The following PTPN1 variants were observed in gnomAD, a reference collection of about 807,000 sequenced individuals.
PTPN1 encodes the protein tyrosine-protein phosphatase non-receptor type 1.
A neutral mutation model predicts 59.9 loss-of-function variants in PTPN1; 12 were observed. That is an observed-to-expected ratio of 0.20 (90% confidence interval 0.13 to 0.32). The LOEUF is 0.32. Ranked by LOEUF, PTPN1 falls within the 10% of genes least tolerant of loss-of-function variation. PTPN1 has a pLI of 1.00. For synonymous variants in PTPN1, 178 were observed against 203.6 expected (o/e 0.87, Z 1.07); for missense variants, 356 against 549.2 (o/e 0.65, Z 3.52).
chr20:50,578,640 C>T lies in PTPN1; in HGVS notation c.702+11C>T, dbSNP rs754479483. On this transcript the variant is annotated intron_variant, in intron 6 of 9. Transcript: ENST00000371621. ...ACCTGCCTCTTGCTGGTAAGGAGGCCCTCGCGGGTGCCCTGGGGAGCTCCT... is the reference window on the plus strand; with the variant it reads ...ACCTGCCTCTTGCTGGTAAGGAGGCTCTCGCGGGTGCCCTGGGGAGCTCCT... 5 of 1,611,098 alleles carry T rather than the reference C, an allele frequency of 3.1e-6. No individual in the cohort carries two copies. Among genetic ancestry groups the T allele is most frequent in the Non-Finnish European group, 4.2e-6 (5 of 1,177,808 alleles).
rs185959763 is a variant in PTPN1 at position 50,550,634 on chromosome 20, A to G, written c.64-10729A>G. Reference sequence around the variant, plus strand: ...TCTGTTCTATAAAGAATGTTGGTATATTGTTAAGGACACTTCAAGCTTTGG... The same window carrying G: ...TCTGTTCTATAAAGAATGTTGGTATGTTGTTAAGGACACTTCAAGCTTTGG... On this transcript the variant is annotated intron_variant, in intron 1 of 9. Coordinates refer to ENST00000371621, the MANE Select transcript of PTPN1 (RefSeq NM_002827.4). 5.0e-3 allele frequency among the ~76,000 whole-genome samples: 757 copies of G among 152,340 alleles called. 8 individuals are homozygous for G. The highest frequency in any genetic ancestry group is 0.017 in the African/African-American group (720 of 41,564).
chr20:50,566,677 A>G (rs2082780588), intron 3 of PTPN1, among the ~76,000 whole-genome samples: 4 of 152,160 alleles, frequency 2.6e-5, no homozygotes, highest in Non-Finnish European at 5.9e-5. Context: ...AAAAGTCAGA[A>G]GTACAGAAGA....
chr20:50,521,931 C>T lies in PTPN1; in HGVS notation c.63+11341C>T, dbSNP rs113286592. Among the ~76,000 whole-genome samples, 603 of 152,280 alleles carry T rather than the reference C, an allele frequency of 4.0e-3. 3 individuals are homozygous for T. Among genetic ancestry groups the T allele is most frequent in the African/African-American group, 0.014 (563 of 41,548 alleles). ...CCACAGTGGGTCACACTGTCCTTGT[C>T]GGTGTACACTACCTAGCACTTGAGT... On this transcript the variant is annotated intron_variant, in intron 1 of 9. Coordinates refer to ENST00000371621, the MANE Select transcript of PTPN1 (RefSeq NM_002827.4).
In PTPN1 at chr20:50,579,796, C is replaced by T. The variant is rs1568798391; in HGVS notation, c.958C>T (p.His320Tyr). Reference sequence around the variant, plus strand: ...GCCACCCAAACGAATCCTGGAGCCACACAATGGGAAATGCAGGGAGTTCTT... The same window carrying T: ...GCCACCCAAACGAATCCTGGAGCCATACAATGGGAAATGCAGGGAGTTCTT... Reference protein sequence around the residue: ...PRPPKRILEPHNGKCREFFPN... With the variant: ...PRPPKRILEPYNGKCREFFPN... Residue 320 changes from histidine (H) to tyrosine (Y), a missense_variant, in exon 8 of 10, where the codon CAC becomes TAC. Physicochemically the swap from His to Tyr is moderately conservative, Grantham distance 83. This residue lies in a region of PTPN1 where 100 missense variants were observed against 107.7 expected (regional missense o/e 0.93). Coordinates refer to ENST00000371621, the MANE Select transcript of PTPN1 (RefSeq NM_002827.4). 1.9e-6 allele frequency: 3 copies of T among 1,614,082 alleles called. No homozygotes were observed. Among genetic ancestry groups the T allele is most frequent in the Non-Finnish European group, 8.5e-7 (1 of 1,180,008 alleles).
Position 50,583,023 on chromosome 20 carries a change from A to C in PTPN1, c.*308A>C, listed in dbSNP as rs1601418331. ...CTACACCCGTCTTGGGGCTCGCCCCACCCAGGGCTCCCTCCTGGAGCATCC... is the reference window on the plus strand; with the variant it reads ...CTACACCCGTCTTGGGGCTCGCCCCCCCCAGGGCTCCCTCCTGGAGCATCC... On this transcript the variant is annotated 3_prime_UTR_variant, in exon 10 of 10. Coordinates refer to ENST00000371621, the MANE Select transcript of PTPN1 (RefSeq NM_002827.4). The C allele has an allele frequency of 2.3e-6, 1 of 425,756 alleles. No homozygotes were observed. The highest frequency in any genetic ancestry group is 3.6e-5 in the Admixed American group (1 of 27,694). 26.4% of individuals were successfully genotyped at this position (425,756 alleles called of 1,614,324 possible).
chr20:50,548,870 A>T (rs953201101), intron 1 of PTPN1, among the ~76,000 whole-genome samples: 1 of 151,880 alleles, frequency 6.6e-6, no homozygotes, highest in African/African-American at 2.4e-5. Context: ...GTTGCGTGCC[A>T]CCACACCTAG....
intron 3 of PTPN1, among the ~76,000 whole-genome samples, chr20:50,566,087 A>G (rs898910710): frequency 6.6e-6 from 1 of 152,066 alleles, no homozygotes; most frequent in Non-Finnish European, 1.5e-5. Flanking sequence ...GCCATTGAGT[A>G]AGTTCTTGGT....
At chr20:50,573,567 C>G (rs951785092) in intron 4 of PTPN1, 3 of 152,234 alleles carry the variant, frequency 2.0e-5, no homozygotes, top group Admixed American at 1.3e-4. Context: ...TTGAGTGGGT[C>G]AGTGCACGTG....
chr20:50,526,119 T>C (rs1435064315), intron 1 of PTPN1, among the ~76,000 whole-genome samples: 1 of 152,198 alleles, frequency 6.6e-6, no homozygotes, highest in East Asian at 1.9e-4. Flanking sequence ...AGATTCTCTC[T>C]TTCACTGTAT....
Position 50,568,401 on chromosome 20 carries a change from G to C in PTPN1, c.277G>C (p.Gly93Arg). The C allele has an allele frequency of 1.2e-6, 2 of 1,614,046 alleles. No homozygotes were observed. Among genetic ancestry groups the C allele is most frequent in the Non-Finnish European group, 1.7e-6 (2 of 1,179,934 alleles). ...GCAGGGCCCTTTGCCTAACACATGCGGTCACTTTTGGGAGATGGTGTGGGA... is the reference window on the plus strand; with the variant it reads ...GCAGGGCCCTTTGCCTAACACATGCCGTCACTTTTGGGAGATGGTGTGGGA... The part of the protein sequence containing the change: ...LTQGPLPNTC[G>R]HFWEMVWEQK... Residue 93 changes from glycine to arginine, a missense_variant, in exon 4 of 10, where the codon GGT (glycine) becomes CGT (arginine). Transcript: ENST00000371621. The surrounding 1 kb of genome is among the most constrained non-coding windows in gnomAD (Gnocchi z 5.6).
Position 50,526,901 on chromosome 20 carries a change from G to C in PTPN1, c.63+16311G>C, listed in dbSNP as rs1273458067. 2.6e-5 allele frequency among the ~76,000 whole-genome samples: 4 copies of C among 151,654 alleles called. No individual in the cohort carries two copies. In the East Asian group the frequency reaches 5.8e-4, roughly 22 times the overall value. ...GGGCCCAGGCTCCTAAGCGCTGCTG[G>C]AAAAAAAATCCCCCAGTATTGAGCC... On this transcript the variant is annotated intron_variant, in intron 1 of 9. Transcript: ENST00000371621.
chr20:50,570,094 C>A (rs2082800508), intron 4 of PTPN1, among the ~76,000 whole-genome samples: 1 of 152,164 alleles, frequency 6.6e-6, no homozygotes, highest in South Asian at 2.1e-4. Flanking sequence ...GAGAGGCCAC[C>A]TTTCCAAAAA....
chr20:50,584,863 A>G lies in PTPN1; in HGVS notation c.*2148A>G, dbSNP rs537610916. 1.3e-5 allele frequency: 2 copies of G among 152,314 alleles called. No homozygotes were observed. Among genetic ancestry groups the G allele is most frequent in the East Asian group, 3.9e-4 (2 of 5,180 alleles). The allele number at this position is 152,314 out of a possible 1,614,324, so 9.4% of individuals were successfully genotyped here. On this transcript the variant is annotated 3_prime_UTR_variant, in exon 10 of 10. Transcript: ENST00000371621. ...CTGCTGATGTGAAACAGATGTTGTC[A>G]ATCAGCTGGGGTTAGAGTTTTCCAC...
chr20:50,570,652 C>A lies in PTPN1; in HGVS notation c.354+2174C>A, dbSNP rs1360426629. On this transcript the variant is annotated intron_variant, in intron 4 of 9. Transcript: ENST00000371621. ...AAGCCTGGTGGCCTGTGGAAGCCTT[C>A]AGCATAGCTCCATCTGCAGGCTTCT... Among the ~76,000 whole-genome samples, 3 of 152,224 alleles carry A rather than the reference C, an allele frequency of 2.0e-5. No individual in the cohort carries two copies. In the East Asian group the frequency reaches 5.8e-4, roughly 29 times the overall value.
chr20:50,579,727 G>C lies in PTPN1; in HGVS notation c.889G>C (p.Glu297Gln). Residue 297 changes from glutamate to glutamine, a missense_variant, in exon 8 of 10, where the codon GAG (glutamate) becomes CAG (glutamine). Transcript: ENST00000371621. ...VQDQWKELSH[E>Q]DLEPPPEHIP... is the part of the protein sequence containing the mutation. ...GGATCAGTGGAAGGAGCTTTCCCAC[G>C]AGGACCTGGAGCCCCCACCCGAGCA... The C allele has an allele frequency of 6.2e-7, 1 of 1,612,514 alleles. No homozygotes were observed. Among genetic ancestry groups the C allele is most frequent in the Non-Finnish European group, 8.5e-7 (1 of 1,179,858 alleles).
chr20:50,545,400 G>T (rs947457632), intron 1 of PTPN1, among the ~76,000 whole-genome samples: 1 of 152,176 alleles, frequency 6.6e-6, no homozygotes, highest in Non-Finnish European at 1.5e-5. Flanking sequence ...ACCCATCTTG[G>T]CATAGTAAAT....
intron 1 of PTPN1, among the ~76,000 whole-genome samples, chr20:50,554,380 A>AT (rs11481722): frequency 0.053 from 7,486 of 140,262 alleles, 381 homozygotes; most frequent in Middle Eastern, 0.079. Flanking sequence ...GCAAGACCAC[A>AT]TCTCTCTCTC....
At chr20:50,535,687 A>T (rs145695684) in intron 1 of PTPN1, among the ~76,000 whole-genome samples, 1 of 152,284 alleles carries the variant, frequency 6.6e-6, no homozygotes, top group African/African-American at 2.4e-5. Context: ...TTTTATATGA[A>T]TTAATATTTT....
chr20:50,568,851 T>C lies in PTPN1; in HGVS notation c.354+373T>C, dbSNP rs1362921671. Among the ~76,000 whole-genome samples, 3 of 152,202 alleles carry C rather than the reference T, an allele frequency of 2.0e-5. No individual in the cohort carries two copies. The highest frequency in any genetic ancestry group is 4.4e-5 in the Non-Finnish European group (3 of 68,040). ...GTTCTTAGTGCATCTTCATGGTGTC[T>C]GATTTTTTGGCTGGTGAGAGTGTGG... is the stretch of plus-strand genomic sequence containing the variant. On this transcript the variant is annotated intron_variant, in intron 4 of 9. Coordinates refer to ENST00000371621, the MANE Select transcript of PTPN1 (RefSeq NM_002827.4). The surrounding 1 kb of genome is among the most constrained non-coding windows in gnomAD (Gnocchi z 5.6).
Sources: gnomAD v4.1 joint callset for allele counts (sites outside exome capture counted in the v4.1 genomes callset) on GRCh38, gnomAD v4.1.1 for gene constraint, gnomAD v4.1.1 regional missense constraint, Gnocchi (gnomAD v3.1) non-coding constraint, MANE v1.5 for transcripts, NCBI Gene and HGNC (gene_info 2026-07-23, HGNC 2026-07-21) for gene names.